Variants in ROBO1 observed in about 807,000 individuals in gnomAD.
The protein encoded by ROBO1 is roundabout homolog 1.
In ROBO1, 149 loss-of-function variants were observed where a neutral mutation model predicts 195.9. That is an observed-to-expected ratio of 0.76 (90% CI 0.67 to 0.87). The LOEUF is 0.87. Among genes scored for constraint, ROBO1 ranks in the 40% least tolerant of loss-of-function variants. The pLI is 0.00. For missense variants in ROBO1, 1,933 were observed against 2,068.3 expected, an observed-to-expected ratio of 0.93 and a Z score of 1.27; for synonymous variants, 816 against 733.2, an observed-to-expected ratio of 1.11 and a Z score of -1.82.
At chr3:79,431,245 G>C (rs1353043771) in intron 2 of ROBO1, among the ~76,000 whole-genome samples, 1 of 152,052 alleles carries the variant, frequency 6.6e-6, no homozygotes, top group African/African-American at 2.4e-5. Flanking sequence ...TCTTCATGCT[G>C]TTTCCCAAAA....
chr3:79,542,801 C>T (rs886573061), intron 2 of ROBO1, among the ~76,000 whole-genome samples: 1 of 151,954 alleles, frequency 6.6e-6, no homozygotes, highest in Non-Finnish European at 1.5e-5. Context: ...TCCTTTCCTA[C>T]TTCTTTATTT....
intron 2 of ROBO1, among the ~76,000 whole-genome samples, chr3:79,140,709 C>T (rs529261901): frequency 2.6e-5 from 4 of 152,118 alleles, no homozygotes; most frequent in East Asian, 3.9e-4. Flanking sequence ...ATGTAATTTG[C>T]CAATTGGGAG....
At chr3:79,173,629 C>A (rs930514552) in intron 2 of ROBO1, among the ~76,000 whole-genome samples, 1 of 152,236 alleles carries the variant, frequency 6.6e-6, no homozygotes, top group African/African-American at 2.4e-5. Context: ...TCCGGCTCAG[C>A]CCGAGCCTCC....
intron 2 of ROBO1, among the ~76,000 whole-genome samples, chr3:79,338,728 T>C (rs2034788069): frequency 6.6e-6 from 1 of 152,172 alleles, no homozygotes; most frequent in Non-Finnish European, 1.5e-5. Flanking sequence ...CTTCGGATCT[T>C]TTTTCTATCT....
chr3:78,894,662 T>C (rs980675446), intron 4 of ROBO1, among the ~76,000 whole-genome samples: 4 of 152,164 alleles, frequency 2.6e-5, no homozygotes, highest in African/African-American at 9.6e-5. Flanking sequence ...GAAGAAATAA[T>C]ACAGCAGAAA....
chr3:78,853,782 T>C (rs543563821), intron 4 of ROBO1, among the ~76,000 whole-genome samples: 120 of 152,160 alleles, frequency 7.9e-4, no homozygotes, highest in Non-Finnish European at 1.4e-3. Context: ...TCCACGTGAC[T>C]GGAGAGGCCT....
chr3:79,415,782 A>C (rs1357975601), intron 2 of ROBO1, among the ~76,000 whole-genome samples: 1 of 152,184 alleles, frequency 6.6e-6, no homozygotes, highest in Non-Finnish European at 1.5e-5. Flanking sequence ...GCAATGATAG[A>C]AATAAAAGGA....
chr3:79,710,912 T>C (rs572106012), intron 1 of ROBO1, among the ~76,000 whole-genome samples: 1 of 152,268 alleles, frequency 6.6e-6, no homozygotes, highest in South Asian at 2.1e-4. Context: ...TTGAAGTTGG[T>C]GAAGCCAGGC....
chr3:78,921,083 T>A lies in ROBO1; in HGVS notation c.499+17518A>T, dbSNP rs183594590. 1.3e-3 allele frequency among the ~76,000 whole-genome samples: 201 copies of A among 152,278 alleles called. 1 individual carries two copies. The highest frequency in any genetic ancestry group is 4.5e-3 in the African/African-American group (189 of 41,552). On this transcript the variant is annotated intron_variant, in intron 4 of 30. Coordinates refer to ENST00000464233, the MANE Select transcript of ROBO1 (RefSeq NM_002941.4). ...GAATTGTTCTGAGGATGTAGTAAAT[T>A]AATAAACATAAATCAGTGCCAGACA...
At chr3:79,555,586 A>G (rs1446062100) in intron 2 of ROBO1, among the ~76,000 whole-genome samples, 1 of 152,092 alleles carries the variant, frequency 6.6e-6, no homozygotes, top group Non-Finnish European at 1.5e-5. Flanking sequence ...ATTGAGACAG[A>G]TCTCCTAGTT....
chr3:79,542,279 T>C (rs1942099910), intron 2 of ROBO1, among the ~76,000 whole-genome samples: 1 of 152,076 alleles, frequency 6.6e-6, no homozygotes, highest in Non-Finnish European at 1.5e-5. Flanking sequence ...AAAATCTACA[T>C]AATTTCCAAG....
In ROBO1 at chr3:79,507,508, C is replaced by A. The variant is rs1165675404; in HGVS notation, c.88+82316G>T. Among the ~76,000 whole-genome samples the A allele has an allele frequency of 3.3e-5, 5 of 152,196 alleles. No individual in the cohort carries two copies. The East Asian group carries it at 9.7e-4, about 29-fold the overall frequency. ...CAGTAATCTTTCCAAGCATGCTTTC[C>A]TTTGTTTTGGGAATGAGAAGTGTAG... is the stretch of plus-strand genomic sequence containing the variant. On this transcript the variant is annotated intron_variant, in intron 2 of 30. Coordinates refer to ENST00000464233, the MANE Select transcript of ROBO1 (RefSeq NM_002941.4).
At chr3:78,950,640 T>C (rs1043697772) in intron 3 of ROBO1, among the ~76,000 whole-genome samples, 9 of 151,490 alleles carry the variant, frequency 5.9e-5, no homozygotes, top group Non-Finnish European at 2.9e-5. Context: ...TGTGCACATG[T>C]ACCCTAAAAC....
At chr3:79,715,127 A>T (rs143095578) in intron 1 of ROBO1, among the ~76,000 whole-genome samples, 1 of 152,092 alleles carries the variant, frequency 6.6e-6, no homozygotes. Context: ...TGGAGATGGA[A>T]TGTACTCCTG....
intron 3 of ROBO1, among the ~76,000 whole-genome samples, chr3:79,080,682 T>C (rs1267681259): frequency 1.3e-5 from 2 of 152,094 alleles, no homozygotes; most frequent in Non-Finnish European, 2.9e-5. Flanking sequence ...AAGTAATATG[T>C]AAATTTTAGG....
At chr3:79,208,189 A>T (rs2081906821) in intron 2 of ROBO1, among the ~76,000 whole-genome samples, 1 of 152,140 alleles carries the variant, frequency 6.6e-6, no homozygotes, top group Non-Finnish European at 1.5e-5. Flanking sequence ...TCTCTCCAGT[A>T]TCACTCATGA....
chr3:79,483,352 G>C (rs1938970069), intron 2 of ROBO1, among the ~76,000 whole-genome samples: 1 of 152,236 alleles, frequency 6.6e-6, no homozygotes, highest in Non-Finnish European at 1.5e-5. Flanking sequence ...GGGGCTCAAA[G>C]TGAGTTTTCA....
intron 1 of ROBO1, among the ~76,000 whole-genome samples, chr3:79,690,253 G>T (rs1439509728): frequency 6.6e-6 from 1 of 151,946 alleles, no homozygotes; most frequent in Non-Finnish European, 1.5e-5. Flanking sequence ...GAGATGTGTG[G>T]TTTTCCTGGA....
At chr3:78,955,673 T>C (rs1022494859) in intron 3 of ROBO1, among the ~76,000 whole-genome samples, 63 of 152,304 alleles carry the variant, frequency 4.1e-4, no homozygotes, top group Admixed American at 1.6e-3. Context: ...TAGGCAATCA[T>C]ACTTGTGTTA....
Sources: allele counts gnomAD v4.1 joint callset (sites outside exome capture counted in the v4.1 genomes callset), GRCh38; gene constraint gnomAD v4.1.1; transcripts MANE v1.5; gene names NCBI Gene and HGNC (gene_info 2026-07-23, HGNC 2026-07-21).